HGD: variants seen among roughly 807,000 people sequenced by gnomAD.
HGD encodes homogentisate oxidase.
HGD carries 61 observed loss-of-function variants against 60.8 expected under a neutral mutation model. The observed-to-expected ratio is 1.00, with a 90% CI of 0.82 to 1.24. The LOEUF (loss-of-function observed/expected upper bound fraction) is 1.24, where lower values mean the gene tolerates loss of function less well. HGD is among the 50% of genes most tolerant of loss of function. The probability of loss-of-function intolerance (pLI) is 0.00; values close to 1 mark genes in which losing one functional copy is unlikely to be tolerated. For synonymous variants in HGD, 212 were observed against 187.7 expected, an observed-to-expected ratio of 1.13 and a Z score of -1.06; for missense variants, 542 against 547.1, an observed-to-expected ratio of 0.99 and a Z score of 0.09.
At chr3:120,671,810 A>T (rs1708030958) in intron 3 of HGD, among the ~76,000 whole-genome samples, 1 of 152,246 alleles carries the variant, frequency 6.6e-6, no homozygotes, top group South Asian at 2.1e-4. Flanking sequence ...TGCAGCCATA[A>T]AAAGGAATGA....
intron 6 of HGD, among the ~76,000 whole-genome samples, chr3:120,650,361 T>C (rs1022447442): frequency 1.3e-5 from 2 of 152,246 alleles, no homozygotes; most frequent in African/African-American, 4.8e-5. Flanking sequence ...CTTGGGCACA[T>C]GTTCTCAGGA....
chr3:120,649,118 C>A (rs1941252403), intron 6 of HGD, among the ~76,000 whole-genome samples: 1 of 149,818 alleles, frequency 6.7e-6, no homozygotes, highest in Non-Finnish European at 1.5e-5. Flanking sequence ...AGGATTTCTC[C>A]ATTGTCTTTT....
intron 6 of HGD, among the ~76,000 whole-genome samples, chr3:120,649,707 G>A (rs1941278645): frequency 1.3e-5 from 2 of 152,152 alleles, no homozygotes; most frequent in South Asian, 4.1e-4. Context: ...TGCAGTGTCT[G>A]AGGGATTCAT....
At chr3:120,647,308 T>C (rs1941197210) in intron 7 of HGD, among the ~76,000 whole-genome samples, 1 of 152,116 alleles carries the variant, frequency 6.6e-6, no homozygotes, top group Non-Finnish European at 1.5e-5. Flanking sequence ...TGTGACATGG[T>C]CAAAAAGGGG....
At chr3:120,632,757 C>T (rs997059608) in intron 13 of HGD, among the ~76,000 whole-genome samples, 3 of 152,140 alleles carry the variant, frequency 2.0e-5, no homozygotes, top group African/African-American at 7.2e-5. Context: ...TAATAATGTT[C>T]CCTTACATTT....
At chr3:120,679,652 G>C (rs1708197668) in intron 1 of HGD, among the ~76,000 whole-genome samples, 1 of 152,118 alleles carries the variant, frequency 6.6e-6, no homozygotes, top group African/African-American at 2.4e-5. Flanking sequence ...AGGGAGATTT[G>C]ACTTATAAGA....
Position 120,652,594 on chromosome 3 carries a change from T to A in HGD, c.340A>T (p.Ser114Cys), listed in dbSNP as rs201753011. ...GGGTGTGGATGGGACTGACTTACAC[T>A]CACAAAGTCTACTTTCTTCTGAGAT... Reference protein sequence around the residue: ...KASQKKVDFVSGLHTLCGAGD... With the variant: ...KASQKKVDFVCGLHTLCGAGD... Residue 114 changes from serine to cysteine, a missense_variant and splice_region_variant, in exon 5 of 14, where the codon AGT becomes TGT. Ser to Cys is a moderately radical substitution (Grantham distance 112, BLOSUM62 -1). Coordinates refer to ENST00000283871, the MANE Select transcript of HGD (RefSeq NM_000187.4). 6.2e-7 allele frequency: 1 copy of A among 1,611,594 alleles called. No individual in the cohort carries two copies. The highest frequency in any genetic ancestry group is 8.5e-7 in the Non-Finnish European group (1 of 1,177,956).
chr3:120,669,151 A>G (rs1444945365), intron 4 of HGD, among the ~76,000 whole-genome samples: 2 of 152,216 alleles, frequency 1.3e-5, no homozygotes, highest in Non-Finnish European at 2.9e-5. Context: ...ATAGACTTGC[A>G]TAATTCAGCC....
chr3:120,632,816 T>C (rs1022971805), intron 13 of HGD, among the ~76,000 whole-genome samples: 2 of 152,190 alleles, frequency 1.3e-5, no homozygotes, highest in African/African-American at 4.8e-5. Context: ...ATCTGCTGGG[T>C]TGGATACTAT....
chr3:120,629,590 A>G (rs1454576062), intron 13 of HGD, among the ~76,000 whole-genome samples: 7 of 152,204 alleles, frequency 4.6e-5, no homozygotes, highest in African/African-American at 9.6e-5. Context: ...CTTCAAGTTA[A>G]AAACTCTCAA....
At chr3:120,676,391 A>G (rs570523939) in intron 1 of HGD, among the ~76,000 whole-genome samples, 5 of 152,310 alleles carry the variant, frequency 3.3e-5, no homozygotes, top group Middle Eastern at 3.4e-3. Context: ...TCTTTTCACA[A>G]TGACACAATG....
chr3:120,678,275 G>C (rs185818004), intron 1 of HGD, among the ~76,000 whole-genome samples: 41 of 152,318 alleles, frequency 2.7e-4, no homozygotes, highest in African/African-American at 9.6e-4. Context: ...TTGAATTTGA[G>C]CTGCTGAGAA....
At position 120,635,104 on chromosome 3, in the gene HGD, G is replaced by C. The variant is rs1411086558; in HGVS notation, c.1007-1776C>G. On this transcript the variant is annotated intron_variant, in intron 12 of 13. Transcript: ENST00000283871. ...GATCTGAATATGAATTTAGATAGCA[G>C]TGAGCTTGGTGATGACATTTCTATA... Among the ~76,000 whole-genome samples the C allele has an allele frequency of 2.6e-5, 4 of 152,200 alleles. No homozygotes were observed. In the East Asian group the frequency reaches 7.7e-4, roughly 29 times the overall value.
chr3:120,647,763 A>G, intron 7 of HGD, 114 bp downstream of exon 7: 1 of 929,994 alleles, frequency 1.1e-6, no homozygotes, highest in Non-Finnish European at 1.8e-6. Flanking sequence ...GGATTGCACT[A>G]AATGAAATAA....
intron 13 of HGD, among the ~76,000 whole-genome samples, chr3:120,630,361 C>T (rs1271300437): frequency 1.3e-5 from 2 of 152,056 alleles, no homozygotes; most frequent in South Asian, 4.2e-4. Flanking sequence ...ATCATGCTAC[C>T]CAACTTCAAA....
intron 10 of HGD, among the ~76,000 whole-genome samples, chr3:120,644,002 A>G (rs1941078194): frequency 6.6e-6 from 1 of 152,216 alleles, no homozygotes; most frequent in African/African-American, 2.4e-5. Context: ...CATACCACTT[A>G]TAGAAACCTA....
Position 120,628,174 on chromosome 3 carries a change from C to CA in HGD, c.*205dup. On this transcript the variant is annotated 3_prime_UTR_variant, in exon 14 of 14. Transcript: ENST00000283871. ...CTTGATTATGACCAATCACTACGTC[C>CA]ACAGAACACCAGCAAGTTTATTGAG... 1.7e-6 allele frequency: 1 copy of CA among 598,044 alleles called. No individual in the cohort carries two copies. The highest frequency in any genetic ancestry group is 2.7e-5 in the Admixed American group (1 of 37,604). 37.0% of individuals were successfully genotyped at this position (598,044 alleles called of 1,614,324 possible). A position where few individuals can be genotyped will look rare whatever the true frequency, so the allele number is the denominator to read the frequency against.
intron 4 of HGD, among the ~76,000 whole-genome samples, chr3:120,653,068 C>A (rs904853447): frequency 6.6e-6 from 1 of 152,160 alleles, no homozygotes; most frequent in Non-Finnish European, 1.5e-5. Context: ...CCTGTGTGGG[C>A]TCCTGACACT....
At chr3:120,630,843 TACACACACACACAC>T (rs111540631) in intron 13 of HGD, among the ~76,000 whole-genome samples, 3 of 116,700 alleles carry the variant, frequency 2.6e-5, no homozygotes, top group South Asian at 2.8e-4. Context: ...CACACACACA[TACACACACACACAC>T]ACACACACAC....
Sources: gnomAD v4.1 joint callset for allele counts (sites outside exome capture counted in the v4.1 genomes callset) on GRCh38, gnomAD v4.1.1 for gene constraint, MANE v1.5 for transcripts, NCBI Gene and HGNC (gene_info 2026-07-23, HGNC 2026-07-21) for gene names.